Variants in ANK2 observed in about 807,000 individuals in gnomAD.
ANK2 encodes ankyrin-2.
Under a neutral mutation model 360.5 loss-of-function variants are expected in ANK2, and 83 were observed. That is an observed-to-expected ratio of 0.23 (90% CI 0.19 to 0.28). The LOEUF (loss-of-function observed/expected upper bound fraction) is 0.28. Among genes scored for constraint, ANK2 ranks in the 10% least tolerant of loss-of-function variants. The probability of loss-of-function intolerance (pLI) is 1.00; values close to 1 mark genes in which losing one functional copy is unlikely to be tolerated. For synonymous variants in ANK2, 1,740 were observed against 1,759.5 expected (o/e 0.99, Z 0.28); for missense variants, 4,201 against 4,795.7 (o/e 0.88, Z 3.66).
At chr4:113,163,681 T>C (rs2097636021) in intron 1 of ANK2, among the ~76,000 whole-genome samples, 1 of 146,716 alleles carries the variant, frequency 6.8e-6, no homozygotes, top group Non-Finnish European at 1.5e-5. Context: ...GGAGAATCGC[T>C]TGAACCTGGG....
At chr4:112,740,383 G>T in the ANK2 span, among the ~76,000 whole-genome samples, 3 of 152,026 alleles carry the variant, frequency 2.0e-5, no homozygotes, top group African/African-American at 7.2e-5. Context: ...GACTACAGGT[G>T]CATGCCACCA....
chr4:113,275,136 A>G (rs981415590), intron 15 of ANK2, among the ~76,000 whole-genome samples: 3 of 152,160 alleles, frequency 2.0e-5, no homozygotes, highest in Admixed American at 6.5e-5. Context: ...TCATTCCCAT[A>G]TTAGTTTCCA....
chr4:112,890,010 G>C (rs2079494153), intron 1 of ANK2, among the ~76,000 whole-genome samples: 1 of 152,158 alleles, frequency 6.6e-6, no homozygotes, highest in Non-Finnish European at 1.5e-5. Context: ...CCTCATTAAT[G>C]TCTAGCAAAG....
In ANK2 at chr4:113,311,353, G is replaced by A. The variant is rs991020359; in HGVS notation, c.2647G>A (p.Gly883Ser). Reference protein sequence around the residue: ...DSLPSSQFLDGMNYLRYSLEG... With the variant: ...DSLPSSQFLDSMNYLRYSLEG... ...ACTACCCAGCAGTCAGTTCCTGGATGGTATGAATTACCTGCGATACAGCTT... is the reference window on the plus strand; with the variant it reads ...ACTACCCAGCAGTCAGTTCCTGGATAGTATGAATTACCTGCGATACAGCTT... The change falls in exon 24 of 46, where the codon GGT becomes AGT. Residue 883 changes from glycine (G) to serine (S), a missense_variant. Transcript: ENST00000357077. 3 of 1,614,122 alleles carry A rather than the reference G, an allele frequency of 1.9e-6. No homozygotes were observed. The highest frequency in any genetic ancestry group is 2.5e-6 in the Non-Finnish European group (3 of 1,180,008).
chr4:113,349,785 C>T (rs958102412), intron 36 of ANK2, among the ~76,000 whole-genome samples: 2 of 152,096 alleles, frequency 1.3e-5, no homozygotes, highest in African/African-American at 4.8e-5. Context: ...ATATTCTTTT[C>T]AGGATCTGGA....
At chr4:113,109,586 G>A (rs1273107636) in intron 1 of ANK2, among the ~76,000 whole-genome samples, 2 of 152,224 alleles carry the variant, frequency 1.3e-5, no homozygotes, top group African/African-American at 2.4e-5. Flanking sequence ...CTGCCTTCTT[G>A]CCTGGAACTT....
At chr4:113,100,202 GA>G (rs577040961) in intron 1 of ANK2, among the ~76,000 whole-genome samples, 4 of 151,678 alleles carry the variant, frequency 2.6e-5, no homozygotes, top group South Asian at 2.1e-4. Flanking sequence ...CAGGCTACAA[GA>G]AAAAAAATCT....
intron 1 of ANK2, among the ~76,000 whole-genome samples, chr4:113,163,764 C>CAAAAAAAAAAAAAAAAAAAAAAAAAA (rs1158530849): frequency 2.7e-4 from 15 of 55,044 alleles, no homozygotes; most frequent in African/African-American, 6.2e-4. Flanking sequence ...AACTTCGTCT[C>CAAAAAAAAAAAAAAAAAAAAAAAAAA]AAAAAAAAAA....
rs535353133 is a variant in ANK2, at chr4:112,974,006, C to A, written c.21+69492C>A. Among the ~76,000 whole-genome samples, 13 of 152,344 alleles carry A rather than the reference C, an allele frequency of 8.5e-5. No homozygotes were observed. In the South Asian group the frequency reaches 2.7e-3, roughly 32 times the overall value. ...TGTACACTGACCTTGTCACTTGATTCTCTGAAACACATAAATTGTTTGCAG... is the reference window on the plus strand; with the variant it reads ...TGTACACTGACCTTGTCACTTGATTATCTGAAACACATAAATTGTTTGCAG... On this transcript the variant is annotated intron_variant, in intron 2 of 30. Coordinates refer to the ANK2 transcript ENST00000503271.
At chr4:112,822,124 C>T (rs368765098) in intron 1 of ANK2, among the ~76,000 whole-genome samples, 1 of 151,038 alleles carries the variant, frequency 6.6e-6, no homozygotes, top group Non-Finnish European at 1.5e-5. Flanking sequence ...TTTAAGGGGC[C>T]GGGCACGGTG....
chr4:113,309,834 A>C (rs2079004646), intron 23 of ANK2, among the ~76,000 whole-genome samples: 1 of 152,164 alleles, frequency 6.6e-6, no homozygotes, highest in Non-Finnish European at 1.5e-5. Flanking sequence ...AGAAGTTTTA[A>C]ATTTTTGTCT....
At chr4:112,937,833 G>C (rs1376824522) in intron 2 of ANK2, among the ~76,000 whole-genome samples, 1 of 152,190 alleles carries the variant, frequency 6.6e-6, no homozygotes, top group Non-Finnish European at 1.5e-5. Flanking sequence ...ATAGAATTGA[G>C]GTGGTCCTTA....
intron 2 of ANK2, among the ~76,000 whole-genome samples, chr4:112,949,837 C>G (rs994395971): frequency 4.6e-5 from 7 of 151,904 alleles, no homozygotes; most frequent in African/African-American, 1.5e-4. Flanking sequence ...GGCATGCACA[C>G]AACACAAAAG....
At chr4:112,748,994 G>A in the ANK2 span, among the ~76,000 whole-genome samples, 1 of 152,284 alleles carries the variant, frequency 6.6e-6, no homozygotes, top group Non-Finnish European at 1.5e-5. Flanking sequence ...CTGCCTTCCG[G>A]GTTCAAGCCA....
At chr4:113,220,089 C>T (rs116392031) in intron 4 of ANK2, among the ~76,000 whole-genome samples, 4,251 of 152,260 alleles carry the variant, frequency 0.028, 98 homozygotes, top group East Asian at 0.068. Flanking sequence ...TTTATCCTCA[C>T]CTGGCTTTCC....
the ANK2 span, among the ~76,000 whole-genome samples, chr4:112,792,753 C>T: frequency 1.3e-5 from 2 of 152,136 alleles, no homozygotes; most frequent in South Asian, 2.1e-4. Context: ...ATCTTCCCTG[C>T]TTAGTTGAGT....
At chr4:113,179,493 G>C (rs28401224) in intron 2 of ANK2, among the ~76,000 whole-genome samples, 1 of 151,880 alleles carries the variant, frequency 6.6e-6, no homozygotes, top group Admixed American at 6.6e-5. Flanking sequence ...AAATGATATG[G>C]GGAAAATTCA....
chr4:112,989,083 C>T (rs769287767), intron 2 of ANK2, among the ~76,000 whole-genome samples: 1 of 152,166 alleles, frequency 6.6e-6, no homozygotes, highest in Non-Finnish European at 1.5e-5. Context: ...AGAGGTAATT[C>T]TACACTTGAT....
intron 26 of ANK2, among the ~76,000 whole-genome samples, chr4:113,321,036 A>G (rs578032036): frequency 6.6e-6 from 1 of 152,370 alleles, no homozygotes; most frequent in African/African-American, 2.4e-5. Flanking sequence ...CTGTAAAGAG[A>G]GAGAAACATC....
Sources: gnomAD v4.1 joint callset for allele counts (sites outside exome capture counted in the v4.1 genomes callset) on GRCh38, gnomAD v4.1.1 for gene constraint, MANE v1.5 for transcripts, NCBI Gene and HGNC (gene_info 2026-07-23, HGNC 2026-07-21) for gene names.